TFEC: variants seen among roughly 807,000 people sequenced by gnomAD.
TFEC encodes the protein class E basic helix-loop-helix protein 34.
TFEC carries 31 observed loss-of-function variants against 41.6 expected under a neutral mutation model. That is an observed-to-expected ratio of 0.74 (90% CI 0.56 to 1.01). The LOEUF (loss-of-function observed/expected upper bound fraction) is 1.01, where lower values mean the gene tolerates loss of function less well. Among genes scored for constraint, TFEC ranks in the 50% least tolerant of loss-of-function variants. The pLI, the probability that TFEC is intolerant of heterozygous loss-of-function variation, is 0.00. For missense variants in TFEC, 402 were observed against 404.1 expected, an observed-to-expected ratio of 0.99 and a Z score of 0.04; for synonymous variants, 143 against 140.6, an observed-to-expected ratio of 1.02 and a Z score of -0.12.
chr7:115,993,258 T>C (rs1051048702), intron 1 of TFEC, among the ~76,000 whole-genome samples: 1 of 152,166 alleles, frequency 6.6e-6, no homozygotes, highest in African/African-American at 2.4e-5. Flanking sequence ...TCATACTGAA[T>C]GGGAAAAAAC....
intron 3 of TFEC, among the ~76,000 whole-genome samples, chr7:116,054,543 C>T (rs1002703588): frequency 2.0e-5 from 3 of 151,946 alleles, no homozygotes; most frequent in Non-Finnish European, 2.9e-5. Context: ...AAATGGTCAA[C>T]GAATAAAGTG....
intron 1 of TFEC, among the ~76,000 whole-genome samples, chr7:116,156,400 CCTT>C (rs1487156004): frequency 1.3e-5 from 2 of 152,078 alleles, no homozygotes; most frequent in African/African-American, 4.8e-5. Context: ...TTTAAAATAA[CCTT>C]CATATCAGTC....
chr7:116,139,452 C>T (rs978791091), intron 1 of TFEC, among the ~76,000 whole-genome samples: 1 of 152,158 alleles, frequency 6.6e-6, no homozygotes, highest in African/African-American at 2.4e-5. Flanking sequence ...AGAGCCACTG[C>T]TTTATCATGC....
chr7:116,092,004 T>A (rs953614630), intron 3 of TFEC, among the ~76,000 whole-genome samples: 1 of 152,170 alleles, frequency 6.6e-6, no homozygotes, highest in Non-Finnish European at 1.5e-5. Context: ...CAGAGCAAAT[T>A]CTTACAGTGA....
chr7:115,976,258 TACTGAAA>T (rs1480095479), intron 2 of TFEC, among the ~76,000 whole-genome samples: 1 of 151,886 alleles, frequency 6.6e-6, no homozygotes, highest in East Asian at 1.9e-4. Flanking sequence ...ACCCTGTCTC[TACTGAAA>T]AATACAAAAA....
At chr7:116,079,113 T>G (rs1438692181) in intron 3 of TFEC, among the ~76,000 whole-genome samples, 1 of 152,048 alleles carries the variant, frequency 6.6e-6, no homozygotes, top group Non-Finnish European at 1.5e-5. Context: ...GGAAAAACAT[T>G]TGACAAAATC....
Position 115,996,701 on chromosome 7 carries a change from C to G in TFEC, c.-72-12188G>C, listed in dbSNP as rs141669376. On this transcript the variant is annotated intron_variant, in intron 1 of 7. Transcript: ENST00000265440. ...ATTCTCTTGGCCAGAGGGAAGCCCA[C>G]TGCACTAAAGGGAGAGTCCTGGAGC... Among the ~76,000 whole-genome samples the G allele has an allele frequency of 2.0e-5, 3 of 152,098 alleles. No homozygotes were observed. In the East Asian group the frequency reaches 5.8e-4, roughly 30 times the overall value.
At chr7:116,012,875 T>C (rs1330302907) in intron 1 of TFEC, among the ~76,000 whole-genome samples, 2 of 151,498 alleles carry the variant, frequency 1.3e-5, no homozygotes, top group Non-Finnish European at 2.9e-5. Context: ...TTATACTATC[T>C]TAGGCTGGAA....
chr7:116,090,620 T>C (rs1562965675), intron 3 of TFEC, among the ~76,000 whole-genome samples: 2 of 152,072 alleles, frequency 1.3e-5, no homozygotes, highest in Middle Eastern at 3.2e-3. Flanking sequence ...TAGGTGAAAG[T>C]AGAAAATACT....
chr7:115,971,488 C>T (rs1378356639), intron 3 of TFEC, among the ~76,000 whole-genome samples: 1 of 151,752 alleles, frequency 6.6e-6, no homozygotes, highest in Non-Finnish European at 1.5e-5. Flanking sequence ...TTTTTCCTCA[C>T]TTTATCTACC....
chr7:116,106,016 CCTCT>C (rs1208866433), intron 3 of TFEC, among the ~76,000 whole-genome samples: 2 of 151,900 alleles, frequency 1.3e-5, no homozygotes, highest in African/African-American at 2.4e-5. Context: ...AGAATTTCTA[CCTCT>C]CTATCTTTAT....
intron 3 of TFEC, among the ~76,000 whole-genome samples, chr7:116,085,659 C>T (rs1797187982): frequency 6.6e-6 from 1 of 151,810 alleles, no homozygotes. Context: ...TTATAGATTT[C>T]ATTAAATGTC....
At chr7:116,087,751 A>G (rs1204373271) in intron 3 of TFEC, among the ~76,000 whole-genome samples, 2 of 152,054 alleles carry the variant, frequency 1.3e-5, no homozygotes, top group Non-Finnish European at 2.9e-5. Flanking sequence ...AAAACCTACT[A>G]TTAATGAAAA....
chr7:116,078,092 T>C (rs1196700993), intron 3 of TFEC, among the ~76,000 whole-genome samples: 1 of 152,072 alleles, frequency 6.6e-6, no homozygotes, highest in African/African-American at 2.4e-5. Context: ...CAGGCTGCAG[T>C]GGAATGAAAT....
intron 1 of TFEC, among the ~76,000 whole-genome samples, chr7:116,116,921 C>A (rs1798002903): frequency 6.6e-6 from 1 of 151,858 alleles, no homozygotes. Context: ...ATGAAAGAGA[C>A]TTTTCTCGAA....
chr7:116,116,838 C>G (rs946744924), intron 1 of TFEC, among the ~76,000 whole-genome samples: 2 of 109,520 alleles, frequency 1.8e-5, no homozygotes, highest in African/African-American at 6.7e-5. Context: ...TCACTTATCA[C>G]TAGTCACAGG....
At chr7:115,941,775 C>A in intron 7 of TFEC, 118 bp downstream of exon 7, 3 of 1,367,170 alleles carry the variant, frequency 2.2e-6, no homozygotes, top group South Asian at 1.5e-5. Flanking sequence ...TAAAATTATC[C>A]TTCAAAAGGA....
At chr7:116,027,053 T>G (rs1584719104) in intron 1 of TFEC, among the ~76,000 whole-genome samples, 1 of 152,268 alleles carries the variant, frequency 6.6e-6, no homozygotes, top group East Asian at 1.9e-4. Context: ...CTCAGATAGT[T>G]CAGTAGGTTC....
At chr7:115,985,078 C>T (rs1793791859) in intron 1 of TFEC, among the ~76,000 whole-genome samples, 1 of 148,378 alleles carries the variant, frequency 6.7e-6, no homozygotes, top group South Asian at 2.1e-4. Context: ...ATCCTGAGCC[C>T]AGTTTTATTT....
Sources: gnomAD v4.1 joint callset for allele counts (sites outside exome capture counted in the v4.1 genomes callset) on GRCh38, gnomAD v4.1.1 for gene constraint, MANE v1.5 for transcripts, NCBI Gene and HGNC (gene_info 2026-07-23, HGNC 2026-07-21) for gene names.